RBFOX1: variants seen among roughly 807,000 people sequenced by gnomAD.
The protein encoded by RBFOX1 is RNA binding fox-1 homolog 1.
A neutral mutation model predicts 57.7 loss-of-function variants in RBFOX1; 8 were observed. The ratio of observed to expected loss-of-function variants is 0.14; its 90% confidence interval spans 0.08 to 0.25. The LOEUF (loss-of-function observed/expected upper bound fraction) is 0.25. Among genes scored for constraint, RBFOX1 ranks in the 10% least tolerant of loss-of-function variants. The pLI is 1.00. For missense variants in RBFOX1, 611 were observed against 548.5 expected, an observed-to-expected ratio of 1.11 and a Z score of -1.14; for synonymous variants, 326 against 222.4, an observed-to-expected ratio of 1.47 and a Z score of -4.15.
At chr16:6,875,097 A>G (rs2061597355) in intron 3 of RBFOX1, among the ~76,000 whole-genome samples, 1 of 152,134 alleles carries the variant, frequency 6.6e-6, no homozygotes, top group Admixed American at 6.5e-5. Context: ...GTAGGTTGTA[A>G]TCTTATCAAT....
intron 3 of RBFOX1, among the ~76,000 whole-genome samples, chr16:5,683,184 G>A (rs565979480): frequency 3.9e-5 from 6 of 152,178 alleles, no homozygotes; most frequent in Admixed American, 6.5e-5. Context: ...CAGATCCTTG[G>A]CCAAGTCTCT....
intron 3 of RBFOX1, among the ~76,000 whole-genome samples, chr16:6,818,634 A>G (rs978549970): frequency 6.6e-6 from 1 of 152,148 alleles, no homozygotes; most frequent in African/African-American, 2.4e-5. Context: ...CCTGTGATGA[A>G]TAGCTGCTAT....
intron 4 of RBFOX1, among the ~76,000 whole-genome samples, chr16:7,109,027 G>A (rs74011039): frequency 0.016 from 2,425 of 152,168 alleles, 65 homozygotes; most frequent in African/African-American, 0.056. Context: ...GGCAGTATAC[G>A]TGCAGCATAG....
At chr16:6,020,051 G>T (rs2095036623) in intron 1 of RBFOX1, 59 bp downstream of exon 1, 2 of 1,397,182 alleles carry the variant, frequency 1.4e-6, no homozygotes, top group Admixed American at 5.1e-5. Flanking sequence ...GTCAGGTCCA[G>T]AAGGTCTCAT....
chr16:7,170,651 C>T (rs926732635), intron 4 of RBFOX1, among the ~76,000 whole-genome samples: 6 of 152,132 alleles, frequency 3.9e-5, no homozygotes, highest in Admixed American at 1.3e-4. Flanking sequence ...TATCTTTTAG[C>T]CCTAAGCTGT....
intron 2 of RBFOX1, among the ~76,000 whole-genome samples, chr16:6,591,832 G>A (rs1405784498): frequency 1.3e-5 from 2 of 152,048 alleles, no homozygotes; most frequent in Admixed American, 1.3e-4. Flanking sequence ...CAAGATTAAC[G>A]TCTTTTACAT....
chr16:5,900,051 C>A (rs771225634), intron 4 of RBFOX1, among the ~76,000 whole-genome samples: 3 of 152,200 alleles, frequency 2.0e-5, no homozygotes, highest in African/African-American at 7.2e-5. Context: ...GCACTCCAGC[C>A]TTGGTGACAG....
At chr16:6,562,732 G>A (rs1388278627) in intron 2 of RBFOX1, among the ~76,000 whole-genome samples, 1 of 152,068 alleles carries the variant, frequency 6.6e-6, no homozygotes, top group African/African-American at 2.4e-5. Context: ...AAACTCCTTG[G>A]AGGTTCACAT....
At chr16:7,109,495 C>T (rs770034995) in intron 4 of RBFOX1, among the ~76,000 whole-genome samples, 35 of 152,068 alleles carry the variant, frequency 2.3e-4, no homozygotes, top group Non-Finnish European at 4.9e-4. Context: ...CCTTTGGGCC[C>T]TTGTGATCCA....
intron 1 of RBFOX1, among the ~76,000 whole-genome samples, chr16:6,022,322 A>C (rs550367147): frequency 6.6e-6 from 1 of 152,086 alleles, no homozygotes; most frequent in African/African-American, 2.4e-5. Context: ...CAAGAATCGA[A>C]GAATATTAGA....
intron 4 of RBFOX1, among the ~76,000 whole-genome samples, chr16:5,956,656 A>T (rs868181283): frequency 0.02 from 1,601 of 78,888 alleles, 33 homozygotes; most frequent in African/African-American, 0.064. Context: ...ATATATATAT[A>T]TTTATATATA....
rs74007217 is a variant in RBFOX1, at chr16:5,575,411, A to G, written c.259-23491A>G. Among the ~76,000 whole-genome samples the G allele has an allele frequency of 6.2e-3, 938 of 152,284 alleles. 7 individuals carry two copies. Among genetic ancestry groups the G allele is most frequent in the African/African-American group, 0.022 (904 of 41,552 alleles). The stretch of plus-strand genomic sequence containing the variant: ...GTCCTCTGTCTTAGGTGATCATCCT[A>G]ACAGCTCTATGTCAGGCAGGTTCAA... On this transcript the variant is annotated intron_variant, in intron 2 of 2. Coordinates refer to the RBFOX1 transcript ENST00000585867.
At chr16:5,547,528 C>A (rs577031133) in intron 2 of RBFOX1, among the ~76,000 whole-genome samples, 1 of 152,186 alleles carries the variant, frequency 6.6e-6, no homozygotes, top group Admixed American at 6.5e-5. Context: ...ACTATATAAG[C>A]CTATTTATAT....
At chr16:5,467,162 A>G in intron 1 of RBFOX1, 5 of 1,396,954 alleles carry the variant, frequency 3.6e-6, no homozygotes, top group Middle Eastern at 1.8e-4. Context: ...TTCAATGTAG[A>G]CTCAATGTTT....
chr16:7,580,658 G>A (rs2093688219), intron 6 of RBFOX1, among the ~76,000 whole-genome samples: 1 of 152,122 alleles, frequency 6.6e-6, no homozygotes, highest in South Asian at 2.1e-4. Flanking sequence ...TTTTTTTATA[G>A]GTCATCTTGC....
At chr16:7,107,751 G>C (rs554620625) in intron 4 of RBFOX1, among the ~76,000 whole-genome samples, 6 of 152,052 alleles carry the variant, frequency 3.9e-5, no homozygotes, top group African/African-American at 1.2e-4. Flanking sequence ...ACTTTTTATA[G>C]CTTTTAAGCC....
chr16:7,583,071 C>T (rs1441327203), intron 6 of RBFOX1, among the ~76,000 whole-genome samples: 1 of 151,956 alleles, frequency 6.6e-6, no homozygotes, highest in Non-Finnish European at 1.5e-5. Flanking sequence ...CCTTTTCCAC[C>T]TTGTGCTTCA....
At chr16:5,896,812 A>G (rs2058175312) in intron 4 of RBFOX1, among the ~76,000 whole-genome samples, 1 of 152,034 alleles carries the variant, frequency 6.6e-6, no homozygotes, top group African/African-American at 2.4e-5. Flanking sequence ...GTGTTCTTGC[A>G]AGTAACAGAG....
At chr16:7,216,429 A>T (rs990054177) in intron 4 of RBFOX1, among the ~76,000 whole-genome samples, 2 of 152,056 alleles carry the variant, frequency 1.3e-5, no homozygotes, top group African/African-American at 4.8e-5. Context: ...CTGAGGGAGG[A>T]GGATTGCTTG....
Sources: gnomAD v4.1 joint callset for allele counts (sites outside exome capture counted in the v4.1 genomes callset) on GRCh38, gnomAD v4.1.1 for gene constraint, MANE v1.5 for transcripts, NCBI Gene and HGNC (gene_info 2026-07-23, HGNC 2026-07-21) for gene names.